The following PIERCE1 variants were observed in gnomAD, a reference collection of about 807,000 sequenced individuals.
PIERCE1 encodes the protein piercer of microtubule wall 1.
At chr9:135,495,430 A>G in the PIERCE1 span, 3 of 1,613,310 alleles carry the variant, frequency 1.9e-6, no homozygotes, top group Middle Eastern at 1.7e-4. Context: ...CAGCCCCTCA[A>G]TCGCAGATGG....
At chr9:135,497,163 C>T in the PIERCE1 span, among the ~76,000 whole-genome samples, 2 of 152,212 alleles carry the variant, frequency 1.3e-5, no homozygotes, top group East Asian at 1.9e-4. Context: ...ACAGCTTCTC[C>T]GGCATCCACC....
chr9:135,495,612 C>G, the PIERCE1 span: 1 of 1,612,238 alleles, frequency 6.2e-7, no homozygotes, highest in African/African-American at 1.3e-5. Context: ...GGATAAAATA[C>G]TTTCTATAAG....
chr9:135,495,253 T>C, the PIERCE1 span: 7 of 605,808 alleles, frequency 1.2e-5, no homozygotes, highest in Non-Finnish European at 2.0e-5. Flanking sequence ...AGATGTGAAA[T>C]GGCAGGACTT....
chr9:135,496,794 AT>A, the PIERCE1 span, among the ~76,000 whole-genome samples: 209 of 122,714 alleles, frequency 1.7e-3, no homozygotes, highest in African/African-American at 4.3e-3. Flanking sequence ...CCTTCAGTGC[AT>A]TTTTTTTTTT....
the PIERCE1 span, chr9:135,495,523 T>C: frequency 6.2e-7 from 1 of 1,614,162 alleles, no homozygotes; most frequent in Admixed American, 1.7e-5. Context: ...TCACGATGCT[T>C]TTCTCCAGGT....
chr9:135,497,292 C>G, the PIERCE1 span, among the ~76,000 whole-genome samples: 1 of 152,224 alleles, frequency 6.6e-6, no homozygotes, highest in Non-Finnish European at 1.5e-5. Flanking sequence ...CTGCTCCCAT[C>G]AGTGACCTGA....
chr9:135,498,655 T>C, the PIERCE1 span: 1 of 1,613,944 alleles, frequency 6.2e-7, no homozygotes, highest in Non-Finnish European at 8.5e-7. This position sits in a 1 kb window ranked among gnomAD's most constrained non-coding sequence, Gnocchi z 4.1. Context: ...GGAGACAGCC[T>C]TCTGGGTCCT....
At chr9:135,496,321 G>T in the PIERCE1 span, among the ~76,000 whole-genome samples, 1 of 152,208 alleles carries the variant, frequency 6.6e-6, no homozygotes, top group Non-Finnish European at 1.5e-5. Flanking sequence ...CCATTGAGAA[G>T]GGGTGTGCTG....
the PIERCE1 span, chr9:135,499,667 G>A: frequency 1.2e-6 from 2 of 1,601,274 alleles, no homozygotes; most frequent in Admixed American, 1.7e-5. Flanking sequence ...CGGGGCTATC[G>A]AGCAGTGGAC....
At chr9:135,498,526 G>C in the PIERCE1 span, 19 of 1,495,338 alleles carry the variant, frequency 1.3e-5, no homozygotes, top group Non-Finnish European at 1.8e-5. The surrounding 1 kb of genome is among the most constrained non-coding windows in gnomAD (Gnocchi z 4.1). Context: ...CAGGTTTTTA[G>C]CCTCTTCTTG....
At chr9:135,498,212 A>G in the PIERCE1 span, among the ~76,000 whole-genome samples, 14 of 152,318 alleles carry the variant, frequency 9.2e-5, no homozygotes, top group South Asian at 2.9e-3. This position sits in a 1 kb window ranked among gnomAD's most constrained non-coding sequence, Gnocchi z 4.1. Context: ...ATTCCAAAAA[A>G]AAAGTAGCCC....
chr9:135,496,594 G>A, the PIERCE1 span, among the ~76,000 whole-genome samples: 13 of 152,102 alleles, frequency 8.5e-5, no homozygotes, highest in African/African-American at 2.2e-4. Context: ...CAGAAAGTAC[G>A]GAGAGTTCCC....
chr9:135,495,367 G>A, the PIERCE1 span: 1 of 1,462,126 alleles, frequency 6.8e-7, no homozygotes, highest in Non-Finnish European at 9.4e-7. Context: ...GGTGATGAGG[G>A]ATGATGATTT....
the PIERCE1 span, chr9:135,498,746 C>T: frequency 7.7e-7 from 1 of 1,302,002 alleles, no homozygotes; most frequent in Non-Finnish European, 1.1e-6. This position sits in a 1 kb window ranked among gnomAD's most constrained non-coding sequence, Gnocchi z 4.1. Flanking sequence ...TGACGGCACT[C>T]CCCTGGAAAT....
At chr9:135,499,445 G>C in the PIERCE1 span, 6 of 689,256 alleles carry the variant, frequency 8.7e-6, no homozygotes, top group Non-Finnish European at 1.6e-5. Flanking sequence ...AGACTCACCC[G>C]ACACAAATCA....
At chr9:135,497,466 G>A in the PIERCE1 span, among the ~76,000 whole-genome samples, 1 of 152,106 alleles carries the variant, frequency 6.6e-6, no homozygotes, top group South Asian at 2.1e-4. Context: ...CTCACCCAGG[G>A]TGGAATGCAA....
At chr9:135,495,681 T>C in the PIERCE1 span, 1 of 1,404,764 alleles carries the variant, frequency 7.1e-7, no homozygotes, top group South Asian at 1.4e-5. Flanking sequence ...TTGAATATTT[T>C]TGAAAGAAAA....
chr9:135,498,793 T>C, the PIERCE1 span: 5 of 825,312 alleles, frequency 6.1e-6, no homozygotes, highest in South Asian at 4.7e-5. The surrounding 1 kb of genome is among the most constrained non-coding windows in gnomAD (Gnocchi z 4.1). Context: ...GGGCTGGTGA[T>C]GTGGCCTCGA....
chr9:135,498,110 C>G, the PIERCE1 span, among the ~76,000 whole-genome samples: 2 of 152,150 alleles, frequency 1.3e-5, no homozygotes, highest in Non-Finnish European at 2.9e-5. The surrounding 1 kb of genome is among the most constrained non-coding windows in gnomAD (Gnocchi z 4.1). Flanking sequence ...CCACAGACTC[C>G]TGTGCCCACC....
Sources: gnomAD v4.1 joint callset for allele counts (sites outside exome capture counted in the v4.1 genomes callset) on GRCh38, gnomAD v4.1.1 for gene constraint, Gnocchi (gnomAD v3.1) non-coding constraint, MANE v1.5 for transcripts, NCBI Gene and HGNC (gene_info 2026-07-23, HGNC 2026-07-21) for gene names.